The following ARK2N variants were observed in gnomAD, a reference collection of about 807,000 sequenced individuals.
ARK2N encodes protein ARK2N.
the ARK2N span, among the ~76,000 whole-genome samples, chr18:46,224,977 C>G: frequency 2.0e-5 from 3 of 152,190 alleles, no homozygotes; most frequent in East Asian, 5.8e-4. Flanking sequence ...AGGGAAGTTA[C>G]AGGATTACTT....
At chr18:46,238,154 CTTGACTG>C in the ARK2N span, among the ~76,000 whole-genome samples, 725 of 152,268 alleles carry the variant, frequency 4.8e-3, 8 homozygotes, top group African/African-American at 0.016. Flanking sequence ...ACAATTTTGA[CTTGACTG>C]TTGACCTGTT....
chr18:46,181,484 G>C, the ARK2N span, among the ~76,000 whole-genome samples: 1 of 122,634 alleles, frequency 8.2e-6, no homozygotes, highest in East Asian at 2.8e-4. Flanking sequence ...GGGAGGCTGA[G>C]GCGGCGGATC....
At chr18:46,202,028 T>C in the ARK2N span, among the ~76,000 whole-genome samples, 1 of 152,158 alleles carries the variant, frequency 6.6e-6, no homozygotes, top group Non-Finnish European at 1.5e-5. Context: ...TCCACCTTCC[T>C]CAGCCTCCCA....
chr18:46,216,282 C>A, the ARK2N span: 2 of 1,613,792 alleles, frequency 1.2e-6, no homozygotes, highest in East Asian at 2.2e-5. This position sits in a 1 kb window ranked among gnomAD's most constrained non-coding sequence, Gnocchi z 4.3. Context: ...TGTCTGGTGC[C>A]ACAGTTGGGC....
the ARK2N span, among the ~76,000 whole-genome samples, chr18:46,256,969 G>A: frequency 7.2e-5 from 11 of 152,272 alleles, no homozygotes; most frequent in South Asian, 4.1e-4. Flanking sequence ...ATCTCATCTG[G>A]AATTTATTTC....
chr18:46,180,301 A>G, the ARK2N span, among the ~76,000 whole-genome samples: 84 of 152,362 alleles, frequency 5.5e-4, no homozygotes, highest in African/African-American at 1.7e-3. Context: ...CAATTAATCT[A>G]AAGTGGAAAT....
At chr18:46,253,725 T>C in the ARK2N span, 1 of 1,602,382 alleles carries the variant, frequency 6.2e-7, no homozygotes, top group Non-Finnish European at 8.5e-7. Flanking sequence ...TCCTAGCAAG[T>C]GACAAAACAT....
chr18:46,247,736 A>G, the ARK2N span, among the ~76,000 whole-genome samples: 1 of 152,134 alleles, frequency 6.6e-6, no homozygotes. Context: ...GCAGTGGTAT[A>G]ATTCACCTCA....
At chr18:46,178,353 C>G in the ARK2N span, among the ~76,000 whole-genome samples, 4 of 152,194 alleles carry the variant, frequency 2.6e-5, no homozygotes, top group Admixed American at 1.3e-4. Flanking sequence ...CACTGCGATG[C>G]CCAGGCTGGA....
the ARK2N span, among the ~76,000 whole-genome samples, chr18:46,208,759 G>A: frequency 9.2e-5 from 14 of 152,120 alleles, no homozygotes; most frequent in South Asian, 2.9e-3. Flanking sequence ...GAGCCACCAT[G>A]CCCGGCTCTG....
At chr18:46,178,028 G>A in the ARK2N span, among the ~76,000 whole-genome samples, 1 of 152,192 alleles carries the variant, frequency 6.6e-6, no homozygotes, top group South Asian at 2.1e-4. Context: ...AAGGCCACCT[G>A]GTGCTTAAGG....
At chr18:46,184,014 G>A in the ARK2N span, among the ~76,000 whole-genome samples, 1 of 146,756 alleles carries the variant, frequency 6.8e-6, no homozygotes, top group Middle Eastern at 3.2e-3. Flanking sequence ...TTTTTGAGAC[G>A]GAGCCTCACA....
At chr18:46,194,921 C>T in the ARK2N span, among the ~76,000 whole-genome samples, 1 of 151,196 alleles carries the variant, frequency 6.6e-6, no homozygotes, top group Non-Finnish European at 1.5e-5. Context: ...CTGCCTCAGC[C>T]ACCAGAGTAC....
the ARK2N span, among the ~76,000 whole-genome samples, chr18:46,192,021 G>T: frequency 6.6e-6 from 1 of 152,130 alleles, no homozygotes; most frequent in East Asian, 1.9e-4. Context: ...CCATTGTCTG[G>T]ATGACCACAG....
At chr18:46,253,480 T>C in the ARK2N span, among the ~76,000 whole-genome samples, 1,856 of 152,366 alleles carry the variant, frequency 0.012, 34 homozygotes, top group African/African-American at 0.042. Context: ...TGTACTGCCA[T>C]GTTGTTTGAA....
the ARK2N span, among the ~76,000 whole-genome samples, chr18:46,256,658 C>T: frequency 6.6e-6 from 1 of 152,132 alleles, no homozygotes; most frequent in African/African-American, 2.4e-5. Flanking sequence ...CCTGGGAAAT[C>T]GTATCTTGTA....
chr18:46,216,160 A>T, the ARK2N span: 1 of 1,613,876 alleles, frequency 6.2e-7, no homozygotes, highest in African/African-American at 1.3e-5. The surrounding 1 kb of genome is among the most constrained non-coding windows in gnomAD (Gnocchi z 4.3). Context: ...TAATCACTGC[A>T]TGCTTTCCCC....
chr18:46,249,777 T>C, the ARK2N span, among the ~76,000 whole-genome samples: 167 of 152,274 alleles, frequency 1.1e-3, no homozygotes, highest in African/African-American at 3.9e-3. Context: ...TATCTCCTTT[T>C]CCTCCATAGC....
chr18:46,228,459 C>T, the ARK2N span, among the ~76,000 whole-genome samples: 2 of 151,998 alleles, frequency 1.3e-5, no homozygotes, highest in Non-Finnish European at 2.9e-5. Context: ...CAACTTATTG[C>T]TAGTATTGTA....
Sources: allele counts gnomAD v4.1 joint callset (sites outside exome capture counted in the v4.1 genomes callset), GRCh38; gene constraint gnomAD v4.1.1; non-coding constraint Gnocchi (gnomAD v3.1); transcripts MANE v1.5; gene names NCBI Gene and HGNC (gene_info 2026-07-23, HGNC 2026-07-21).